GABRG3: variants seen among roughly 807,000 people sequenced by gnomAD.
The protein encoded by GABRG3 is gamma-aminobutyric acid type A receptor subunit gamma3.
In GABRG3, 25 loss-of-function variants were observed where a neutral mutation model predicts 48.8. The ratio of observed to expected loss-of-function variants is 0.51; its 90% CI spans 0.37 to 0.72. The LOEUF is 0.72. Among genes scored for constraint, GABRG3 ranks in the 30% least tolerant of loss-of-function variants. GABRG3 has a pLI of 0.00. For missense variants in GABRG3, 394 were observed against 577.9 expected (o/e 0.68, Z 3.26); for synonymous variants, 227 against 217.6 (o/e 1.04, Z -0.38).
intron 3 of GABRG3, among the ~76,000 whole-genome samples, chr15:27,041,096 A>T (rs118139400): frequency 0.051 from 7,793 of 152,262 alleles, 266 homozygotes; most frequent in South Asian, 0.082. Context: ...CTGAAAAGAG[A>T]CAAATTTAGA....
chr15:27,475,144 T>C (rs1445738856), intron 5 of GABRG3, among the ~76,000 whole-genome samples: 2 of 151,916 alleles, frequency 1.3e-5, no homozygotes, highest in African/African-American at 4.8e-5. Flanking sequence ...AAAATCTGTC[T>C]AAGTTGAGGA....
At chr15:27,014,163 T>G (rs1295011910) in intron 2 of GABRG3, among the ~76,000 whole-genome samples, 2 of 152,090 alleles carry the variant, frequency 1.3e-5, no homozygotes, top group Non-Finnish European at 2.9e-5. Context: ...CTTTCATTTT[T>G]AAGTATCGTT....
chr15:27,306,651 TATATATGAAC>T (rs1892492738), intron 3 of GABRG3, among the ~76,000 whole-genome samples: 1 of 58,738 alleles, frequency 1.7e-5, no homozygotes, highest in African/African-American at 7.2e-5. Flanking sequence ...TATATAAACA[TATATATGAAC>T]ATGTTTATAT....
At chr15:27,267,610 A>G (rs1280112817) in intron 3 of GABRG3, among the ~76,000 whole-genome samples, 1 of 152,070 alleles carries the variant, frequency 6.6e-6, no homozygotes, top group Non-Finnish European at 1.5e-5. Flanking sequence ...TAATCTTAAG[A>G]ATTTTTTGTA....
chr15:27,276,718 C>T (rs1486931797), intron 3 of GABRG3, among the ~76,000 whole-genome samples: 2 of 151,952 alleles, frequency 1.3e-5, no homozygotes, highest in East Asian at 1.9e-4. Context: ...CCTTCTTGCT[C>T]ATAGCATCTC....
At chr15:27,134,591 T>G (rs1897975278) in intron 3 of GABRG3, among the ~76,000 whole-genome samples, 1 of 152,140 alleles carries the variant, frequency 6.6e-6, no homozygotes, top group Non-Finnish European at 1.5e-5. Flanking sequence ...GTCCCACCCA[T>G]GCCCGGCTTC....
chr15:26,991,108 G>A (rs2140647077), intron 2 of GABRG3, among the ~76,000 whole-genome samples: 1 of 152,222 alleles, frequency 6.6e-6, no homozygotes, highest in African/African-American at 2.4e-5. Context: ...GGCAAGTGAT[G>A]GGGCCAAGTT....
At chr15:27,092,279 T>C (rs571475765) in intron 3 of GABRG3, among the ~76,000 whole-genome samples, 1 of 152,330 alleles carries the variant, frequency 6.6e-6, no homozygotes, top group South Asian at 2.1e-4. Flanking sequence ...TTAGGGGGGA[T>C]GGTCTCCCAG....
chr15:27,509,368 C>T (rs1277567365), intron 6 of GABRG3, among the ~76,000 whole-genome samples: 1 of 151,488 alleles, frequency 6.6e-6, no homozygotes, highest in Non-Finnish European at 1.5e-5. Context: ...ATATTTGAGC[C>T]TCTTGGATTT....
intron 6 of GABRG3, among the ~76,000 whole-genome samples, chr15:27,502,899 A>G (rs961681458): frequency 2.0e-5 from 3 of 152,216 alleles, no homozygotes; most frequent in African/African-American, 7.2e-5. Flanking sequence ...GCATCCGCAC[A>G]TGGGTGAGTT....
intron 6 of GABRG3, among the ~76,000 whole-genome samples, chr15:27,508,021 T>C (rs1890801899): frequency 6.6e-6 from 1 of 152,214 alleles, no homozygotes; most frequent in Admixed American, 6.5e-5. Flanking sequence ...CCTTTCTCTA[T>C]TTTTTAACTT....
chr15:27,124,266 G>T (rs1897780652), intron 3 of GABRG3, among the ~76,000 whole-genome samples: 1 of 152,194 alleles, frequency 6.6e-6, no homozygotes, highest in African/African-American at 2.4e-5. Flanking sequence ...AACAACAGTG[G>T]TAAGAAATTC....
chr15:27,182,639 G>T (rs540015588), intron 3 of GABRG3, among the ~76,000 whole-genome samples: 1 of 152,268 alleles, frequency 6.6e-6, no homozygotes, highest in East Asian at 1.9e-4. Context: ...GGGAGGGGGT[G>T]CTTAGCTGAG....
chr15:27,093,132 G>C (rs1329543597), intron 3 of GABRG3, among the ~76,000 whole-genome samples: 3 of 152,072 alleles, frequency 2.0e-5, no homozygotes, highest in African/African-American at 7.2e-5. Flanking sequence ...TTGTATCCTG[G>C]GCACCTGAGG....
In GABRG3 at chr15:27,179,342, G is replaced by A. The variant is rs571722378; in HGVS notation, c.271-147467G>A. ...CCAATGCACTTTATCATATGTGTCCGTGAGAATAGCACATTAGCCACATTC... is the reference window on the plus strand; with the variant it reads ...CCAATGCACTTTATCATATGTGTCCATGAGAATAGCACATTAGCCACATTC... On this transcript the variant is annotated intron_variant, in intron 3 of 9. Transcript: ENST00000615808. The surrounding 1 kb of genome is among the most constrained non-coding windows in gnomAD (Gnocchi z 4.0). Among the ~76,000 whole-genome samples the A allele has an allele frequency of 1.1e-4, 16 of 152,264 alleles. No individual in the cohort carries two copies. Among genetic ancestry groups the A allele is most frequent in the South Asian group, 6.2e-4 (3 of 4,822 alleles).
At chr15:26,988,697 C>A (rs769251020) in intron 2 of GABRG3, among the ~76,000 whole-genome samples, 1 of 151,690 alleles carries the variant, frequency 6.6e-6, no homozygotes, top group Non-Finnish European at 1.5e-5. Context: ...ATTTTTCTTT[C>A]TTTTTTTGCT....
chr15:27,389,694 C>G (rs983429960), intron 5 of GABRG3, among the ~76,000 whole-genome samples: 1 of 152,202 alleles, frequency 6.6e-6, no homozygotes, highest in Non-Finnish European at 1.5e-5. Context: ...CACAGCTACT[C>G]AGAGCACGTA....
chr15:27,455,195 G>A (rs535937384), intron 5 of GABRG3, among the ~76,000 whole-genome samples: 1 of 152,336 alleles, frequency 6.6e-6, no homozygotes, highest in South Asian at 2.1e-4. Context: ...GACACTCCTG[G>A]CTATCACGGT....
intron 3 of GABRG3, among the ~76,000 whole-genome samples, chr15:27,178,958 G>C (rs1209211165): frequency 6.6e-6 from 1 of 152,160 alleles, no homozygotes; most frequent in Non-Finnish European, 1.5e-5. Context: ...TAGGAAAACA[G>C]GTTCTGGTTT....
Sources: gnomAD v4.1 joint callset for allele counts (sites outside exome capture counted in the v4.1 genomes callset) on GRCh38, gnomAD v4.1.1 for gene constraint, Gnocchi (gnomAD v3.1) non-coding constraint, MANE v1.5 for transcripts, NCBI Gene and HGNC (gene_info 2026-07-23, HGNC 2026-07-21) for gene names.